THRB: variants seen among roughly 807,000 people sequenced by gnomAD.
THRB encodes nuclear receptor subfamily 1 group A member 2.
THRB carries 12 observed loss-of-function variants against 47.8 expected under a neutral mutation model. The observed-to-expected ratio is 0.25, with a 90% CI of 0.16 to 0.41. THRB has a LOEUF of 0.41. Among genes scored for constraint, THRB ranks in the 10% least tolerant of loss-of-function variants. THRB has a pLI of 1.00. For missense variants in THRB, 348 were observed against 589.2 expected (o/e 0.59, Z 4.24); for synonymous variants, 218 against 212.2 (o/e 1.03, Z -0.24).
At chr3:24,283,167 T>C (rs2054820938) in intron 3 of THRB, among the ~76,000 whole-genome samples, 1 of 152,130 alleles carries the variant, frequency 6.6e-6, no homozygotes, top group African/African-American at 2.4e-5. Flanking sequence ...TGATGAACAT[T>C]GATGCAAAAA....
chr3:24,261,369 C>T lies in THRB; in HGVS notation c.-42-32368G>A, dbSNP rs557419032. Among the ~76,000 whole-genome samples the T allele has an allele frequency of 8.2e-4, 125 of 151,922 alleles. 2 individuals are homozygous for T. Among genetic ancestry groups the T allele is most frequent in the African/African-American group, 2.8e-3 (117 of 41,464 alleles). ...CAAAAATTAGCTGGGCGTGGTGGCA[C>T]GCACCTGTAATCCCAGCTACTCAAG... On this transcript the variant is annotated intron_variant, in intron 3 of 10. Coordinates refer to ENST00000646209, the MANE Select transcript of THRB (RefSeq NM_001354712.2).
At chr3:24,479,441 C>A (rs1008857257) in intron 1 of THRB, among the ~76,000 whole-genome samples, 2 of 152,144 alleles carry the variant, frequency 1.3e-5, no homozygotes, top group Non-Finnish European at 2.9e-5. Context: ...CAGGGGAACA[C>A]GGGGGCATGG....
intron 2 of THRB, among the ~76,000 whole-genome samples, chr3:24,333,016 G>A (rs1165722007): frequency 2.6e-5 from 4 of 152,052 alleles, no homozygotes; most frequent in Non-Finnish European, 2.9e-5. Context: ...ACCGGGAGGC[G>A]GAGTTTGCAG....
intron 5 of THRB, among the ~76,000 whole-genome samples, chr3:24,153,184 T>G (rs1014750620): frequency 6.6e-6 from 1 of 152,128 alleles, no homozygotes; most frequent in East Asian, 1.9e-4. Flanking sequence ...CACAGTACCA[T>G]GCAATGAATT....
chr3:24,146,972 C>G, intron 6 of THRB, 150 bp from the exon 7 acceptor site: 1 of 686,410 alleles, frequency 1.5e-6, no homozygotes, highest in South Asian at 1.8e-5. Context: ...AAATATAAGA[C>G]AGTTGGCCCA....
At chr3:24,274,202 T>G (rs1252752066) in intron 3 of THRB, among the ~76,000 whole-genome samples, 1 of 152,168 alleles carries the variant, frequency 6.6e-6, no homozygotes, top group Admixed American at 6.6e-5. Context: ...AAAACTGAAC[T>G]ATTATATCAC....
At chr3:24,139,491 C>T (rs1262547821) in intron 8 of THRB, among the ~76,000 whole-genome samples, 1 of 151,800 alleles carries the variant, frequency 6.6e-6, no homozygotes, top group Non-Finnish European at 1.5e-5. Context: ...TTAAGTGATC[C>T]ATCTACCTCA....
At chr3:24,397,456 T>G (rs1166995422) in intron 1 of THRB, among the ~76,000 whole-genome samples, 1 of 152,116 alleles carries the variant, frequency 6.6e-6, no homozygotes, top group Non-Finnish European at 1.5e-5. Context: ...TTCCGTCTTT[T>G]GCTCTTTCAT....
intron 1 of THRB, chr3:24,431,211 C>T (rs548002537): frequency 3.3e-5 from 5 of 150,688 alleles, no homozygotes; most frequent in South Asian, 2.1e-4. Flanking sequence ...ATTGGGAGAA[C>T]TTTGCAACAC....
Position 24,143,639 on chromosome 3 carries a change from C to A in THRB, c.600G>T (p.Arg200=). The change falls in exon 8 of 11, where the codon CGG becomes CGT. Residue 200 remains arginine, a synonymous_variant. Transcript: ENST00000646209. ...KLIEENREKR[R]REELQKSIGH... ...CGATGGACTTCTGCAGCTCTTCCCG[C>A]CGTCTTTTCTCCCGGTTCTCCTCTA... 6.2e-7 allele frequency: 1 copy of A among 1,614,170 alleles called. No homozygotes were observed.
intron 1 of THRB, among the ~76,000 whole-genome samples, chr3:24,486,181 T>G (rs1048406367): frequency 6.6e-6 from 1 of 152,066 alleles, no homozygotes; most frequent in African/African-American, 2.4e-5. Flanking sequence ...CTGCTAAACA[T>G]CCTGTAATAT....
intron 2 of THRB, among the ~76,000 whole-genome samples, chr3:24,325,363 C>T (rs1033635565): frequency 6.6e-6 from 1 of 152,050 alleles, no homozygotes; most frequent in Admixed American, 6.5e-5. Context: ...GTAATTGGTT[C>T]ACTCTCAATT....
intron 5 of THRB, among the ~76,000 whole-genome samples, chr3:24,161,924 A>G (rs1220560904): frequency 6.7e-6 from 1 of 150,334 alleles, no homozygotes; most frequent in Non-Finnish European, 1.5e-5. Flanking sequence ...CTTTTCAAAC[A>G]TGCAATTCCT....
rs186519553 is a variant in THRB, at chr3:24,278,883, G to A, written c.-43+18343C>T. On this transcript the variant is annotated intron_variant, in intron 3 of 10. Transcript: ENST00000646209. ...TTTTTAGATACAGGGTCTCACTCTG[G>A]GTCCAGGCTGGAGTGCAGTGGTGCT... 4.4e-4 allele frequency among the ~76,000 whole-genome samples: 67 copies of A among 151,984 alleles called. 1 individual carries two copies. In the East Asian group the frequency reaches 0.011, roughly 25 times the overall value.
At chr3:24,124,731 G>C (rs779177209) in intron 10 of THRB, among the ~76,000 whole-genome samples, 1 of 152,168 alleles carries the variant, frequency 6.6e-6, no homozygotes, top group Non-Finnish European at 1.5e-5. Context: ...TCTTGGAAAA[G>C]TCTTTGAAGA....
chr3:24,468,997 T>C (rs951567115), intron 1 of THRB, among the ~76,000 whole-genome samples: 3 of 152,150 alleles, frequency 2.0e-5, no homozygotes, highest in African/African-American at 7.2e-5. Context: ...TATGCCTATA[T>C]ATCTGAGGTC....
At position 24,265,512 on chromosome 3, in the gene THRB, G is replaced by A. The variant is rs115928546; in HGVS notation, c.-43+31714C>T. Among the ~76,000 whole-genome samples, 883 of 152,218 alleles carry A rather than the reference G, an allele frequency of 5.8e-3. 14 individuals carry two copies. The highest frequency in any genetic ancestry group is 0.02 in the African/African-American group (829 of 41,538). ...AAATTTTATGTTCTAAGTCTAATCA[G>A]GTGCAGGATTTCTCTTTATCTACTT... On this transcript the variant is annotated intron_variant, in intron 3 of 10. Coordinates refer to ENST00000646209, the MANE Select transcript of THRB (RefSeq NM_001354712.2).
At chr3:24,473,801 A>G (rs1194499291) in intron 1 of THRB, among the ~76,000 whole-genome samples, 1 of 152,218 alleles carries the variant, frequency 6.6e-6, no homozygotes, top group Non-Finnish European at 1.5e-5. Flanking sequence ...ACATAGATGA[A>G]GCTGGAAACC....
Position 24,121,911 on chromosome 3 carries a change from C to G in THRB, c.*973G>C, listed in dbSNP as rs1181419545. 1 of 152,636 alleles carries G rather than the reference C, an allele frequency of 6.6e-6. No homozygotes were observed. Among genetic ancestry groups the G allele is most frequent in the Admixed American group, 6.5e-5 (1 of 15,282 alleles). 9.5% of individuals were successfully genotyped at this position (152,636 alleles called of 1,614,324 possible). A position where few individuals can be genotyped will look rare whatever the true frequency, so the allele number is the denominator to read the frequency against. Reference sequence around the variant, plus strand: ...TTTCTCCAGAAGAAGACTGAAGTTTCACCGTATCTTTCCTTGATTAGAATA... The same window carrying G: ...TTTCTCCAGAAGAAGACTGAAGTTTGACCGTATCTTTCCTTGATTAGAATA... On this transcript the variant is annotated 3_prime_UTR_variant, in exon 11 of 11. Coordinates refer to ENST00000646209, the MANE Select transcript of THRB (RefSeq NM_001354712.2).
Sources: gnomAD v4.1 joint callset for allele counts (sites outside exome capture counted in the v4.1 genomes callset) on GRCh38, gnomAD v4.1.1 for gene constraint, MANE v1.5 for transcripts, NCBI Gene and HGNC (gene_info 2026-07-23, HGNC 2026-07-21) for gene names.